CFAP54: variants seen among roughly 807,000 people sequenced by gnomAD.
CFAP54 encodes the protein cilia- and flagella-associated protein 54.
CFAP54 carries 290 observed loss-of-function variants against 370.4 expected under a neutral mutation model. The ratio of observed to expected loss-of-function variants is 0.78; its 90% CI spans 0.71 to 0.86. The LOEUF is 0.86. Ranked by LOEUF, CFAP54 falls within the 40% of genes least tolerant of loss-of-function variation. CFAP54 has a pLI of 0.00. For synonymous variants in CFAP54, 1,206 were observed against 1,236.5 expected (o/e 0.98, Z 0.52); for missense variants, 3,399 against 3,528.7 (o/e 0.96, Z 0.93).
At chr12:96,826,988 TGCA>T (rs1959122879) in intron 65 of CFAP54, among the ~76,000 whole-genome samples, 1 of 137,498 alleles carries the variant, frequency 7.3e-6, no homozygotes, top group African/African-American at 2.6e-5. Context: ...ATATATAATA[TGCA>T]ATTATATATG....
chr12:96,832,282 A>AAT (rs1555341996), intron 66 of CFAP54, among the ~76,000 whole-genome samples: 62 of 129,828 alleles, frequency 4.8e-4, no homozygotes, highest in South Asian at 3.0e-3. Context: ...AAAAAAAAAA[A>AAT]ATATATATAT....
chr12:96,786,921 A>G, intron 62 of CFAP54, 23 bp downstream of exon 62: 4 of 1,453,568 alleles, frequency 2.8e-6, no homozygotes, highest in African/African-American at 1.4e-5. Flanking sequence ...GAAACATGAT[A>G]TATTTACATA....
intron 60 of CFAP54, among the ~76,000 whole-genome samples, chr12:96,766,076 A>G (rs1298286150): frequency 6.6e-6 from 1 of 152,016 alleles, no homozygotes; most frequent in African/African-American, 2.4e-5. Context: ...AAGAGTTTTA[A>G]CCTTCTCCTT....
chr12:96,741,717 C>T (rs1289987061), intron 51 of CFAP54, among the ~76,000 whole-genome samples: 3 of 152,220 alleles, frequency 2.0e-5, no homozygotes, highest in Non-Finnish European at 2.9e-5. Flanking sequence ...CTTTGCACAT[C>T]TCTCCTAGCT....
At chr12:96,747,672 A>T (rs1263909451) in intron 55 of CFAP54, among the ~76,000 whole-genome samples, 1 of 152,222 alleles carries the variant, frequency 6.6e-6, no homozygotes, top group African/African-American at 2.4e-5. Flanking sequence ...GATCTAGAGG[A>T]TCCAGGCCTG....
rs763960192 is a variant in CFAP54, at chr12:96,700,009, C to T, written c.6390C>T (p.Ala2130=). ...VLIDLRFFSE[A]FYEISQIFYG... ...TAGATTTGAGATTCTTTTCTGAAGC[C>T]TTTTATGAGATATCCCAAATTTTCT... Residue 2130 remains alanine (A), a synonymous_variant, in exon 46 of 68, where the codon GCC becomes GCT. Coordinates refer to ENST00000524981, the MANE Select transcript of CFAP54 (RefSeq NM_001306084.2). 1.9e-6 allele frequency: 3 copies of T among 1,598,096 alleles called. No homozygotes were observed. Among genetic ancestry groups the T allele is most frequent in the Admixed American group, 1.7e-5 (1 of 59,320 alleles).
intron 60 of CFAP54, among the ~76,000 whole-genome samples, chr12:96,778,701 G>A (rs1005773436): frequency 5.3e-5 from 8 of 152,078 alleles, no homozygotes; most frequent in African/African-American, 1.9e-4. Context: ...TAATTTTCAG[G>A]GGGTAAAAGG....
intron 60 of CFAP54, among the ~76,000 whole-genome samples, chr12:96,771,430 T>A (rs34473): frequency 0.62 from 93,935 of 152,074 alleles, 29,493 homozygotes; most frequent in East Asian, 0.83. Context: ...AGGCGGGCGG[T>A]TCACGAGGTC....
intron 39 of CFAP54, among the ~76,000 whole-genome samples, chr12:96,666,744 G>A (rs1382288086): frequency 3.3e-4 from 50 of 152,144 alleles, no homozygotes; most frequent in Admixed American, 3.3e-3. Flanking sequence ...TGGGGATACA[G>A]CCAAACCATA....
At chr12:96,640,047 C>T (rs1956706805) in intron 32 of CFAP54, among the ~76,000 whole-genome samples, 1 of 152,162 alleles carries the variant, frequency 6.6e-6, no homozygotes, top group African/African-American at 2.4e-5. Context: ...CTCACCACTC[C>T]TATTCAACAT....
Position 96,729,103 on chromosome 12 carries a change from C to T in CFAP54, c.6965+8538C>T, listed in dbSNP as rs528691163. On this transcript the variant is annotated intron_variant, in intron 50 of 67. Coordinates refer to ENST00000524981, the MANE Select transcript of CFAP54 (RefSeq NM_001306084.2). Reference sequence around the variant, plus strand: ...TCTGCCCCTACTGGGGGGTGCCTGCCAGTTAGGCTGCTCGGGGGTCAGGGG... The same window carrying T: ...TCTGCCCCTACTGGGGGGTGCCTGCTAGTTAGGCTGCTCGGGGGTCAGGGG... Among the ~76,000 whole-genome samples the T allele has an allele frequency of 1.1e-3, 169 of 152,200 alleles. 1 individual carries two copies. The highest frequency in any genetic ancestry group is 3.8e-3 in the African/African-American group (157 of 41,454).
At chr12:96,720,956 G>A (rs1287331726) in intron 50 of CFAP54, among the ~76,000 whole-genome samples, 1 of 151,786 alleles carries the variant, frequency 6.6e-6, no homozygotes, top group Admixed American at 6.6e-5. Flanking sequence ...GGAGGCAGAG[G>A]TTGCAGTGAG....
rs71437232 is a variant in CFAP54 at position 96,634,046 on chromosome 12, CTTTTTTTTT to C, written c.4316+3414_4316+3422del. 6.4e-3 allele frequency among the ~76,000 whole-genome samples: 365 copies of C among 56,896 alleles called. 2 individuals carry two copies. The highest frequency in any genetic ancestry group is 0.033 in the Middle Eastern group (2 of 60). The allele number at this position is 56,896 out of a possible 152,430, so 37.3% of individuals were successfully genotyped here. Reference sequence around the variant, plus strand: ...TCTAATGGCTAATGATAGCGAACATCTTTTTTTTTTTTTTTTTTTTTTTTTTTGAGATGG... The same window carrying C: ...TCTAATGGCTAATGATAGCGAACATCTTTTTTTTTTTTTTTTTTGAGATGG... On this transcript the variant is annotated intron_variant, in intron 32 of 67. Transcript: ENST00000524981.
chr12:96,569,451 G>A (rs1216883731), intron 19 of CFAP54, among the ~76,000 whole-genome samples: 1 of 152,176 alleles, frequency 6.6e-6, no homozygotes, highest in Non-Finnish European at 1.5e-5. Context: ...CTAAGGAAAT[G>A]TTGGCAATTC....
Position 96,738,270 on chromosome 12 carries a change from T to C in CFAP54, c.6966-1686T>C, listed in dbSNP as rs1464685073. 3.3e-5 allele frequency among the ~76,000 whole-genome samples: 5 copies of C among 151,886 alleles called. No individual in the cohort carries two copies. The East Asian group carries it at 9.6e-4, about 29-fold the overall frequency. On this transcript the variant is annotated intron_variant, in intron 50 of 67. Transcript: ENST00000524981. ...GACACGGATGAGGAGTGGGTTTGGGTGGAGGAGATGGAAGTGAAGGGGTCT... is the reference window on the plus strand; with the variant it reads ...GACACGGATGAGGAGTGGGTTTGGGCGGAGGAGATGGAAGTGAAGGGGTCT...
intron 19 of CFAP54, among the ~76,000 whole-genome samples, chr12:96,574,130 T>TA (rs1251584805): frequency 6.6e-6 from 1 of 152,224 alleles, no homozygotes; most frequent in African/African-American, 2.4e-5. Flanking sequence ...TCTCTGCTCC[T>TA]ACAGGGAGCT....
chr12:96,526,653 G>A (rs1453474073), intron 8 of CFAP54, among the ~76,000 whole-genome samples: 2 of 152,136 alleles, frequency 1.3e-5, no homozygotes, highest in Non-Finnish European at 2.9e-5. Flanking sequence ...AGCATATGGA[G>A]ATATATGCTT....
intron 28 of CFAP54, 70 bp downstream of exon 28, chr12:96,623,951 A>G: frequency 9.9e-7 from 1 of 1,006,332 alleles, no homozygotes. Flanking sequence ...ATTTTGTTCA[A>G]AGGATTAAGA....
At chr12:96,561,849 G>A (rs571350044) in intron 17 of CFAP54, among the ~76,000 whole-genome samples, 36 of 146,240 alleles carry the variant, frequency 2.5e-4, no homozygotes, top group Non-Finnish European at 3.9e-4. Context: ...CCAGTGGTGC[G>A]ATCTCAGCTC....
Sources: gnomAD v4.1 joint callset for allele counts (sites outside exome capture counted in the v4.1 genomes callset) on GRCh38, gnomAD v4.1.1 for gene constraint, MANE v1.5 for transcripts, NCBI Gene and HGNC (gene_info 2026-07-23, HGNC 2026-07-21) for gene names.